BTD: variants seen among roughly 807,000 people sequenced by gnomAD.
The protein encoded by BTD is biocytinase.
BTD carries 13 observed loss-of-function variants against 17.7 expected under a neutral mutation model. The ratio of observed to expected loss-of-function variants is 0.74; its 90% CI spans 0.48 to 1.17. The LOEUF (loss-of-function observed/expected upper bound fraction) is 1.17. BTD is among the 50% of genes most tolerant of loss of function. BTD has a pLI of 0.00. For missense variants in BTD, 674 were observed against 650.4 expected, an observed-to-expected ratio of 1.04 and a Z score of -0.39; for synonymous variants, 240 against 245.2, an observed-to-expected ratio of 0.98 and a Z score of 0.20.
At position 15,601,856 on chromosome 3, in the gene BTD, G is replaced by A; in HGVS notation, c.-55G>A. The A allele has an allele frequency of 6.2e-7, 1 of 1,614,214 alleles. No homozygotes were observed. Among genetic ancestry groups the A allele is most frequent in the Non-Finnish European group, 8.5e-7 (1 of 1,180,050 alleles). ...TTCGGGGCTGTAAAGGGAGAATGGC[G>A]CATGCGCATATTCAGGGCGGAAGGC... On this transcript the variant is annotated 5_prime_UTR_variant, in exon 1 of 4. Coordinates refer to ENST00000643237, the MANE Select transcript of BTD (RefSeq NM_001370658.1).
rs1177289350 is a variant in BTD at position 15,647,429 on chromosome 3, T to G, written c.*1941T>G. 1 of 152,252 alleles carries G rather than the reference T, an allele frequency of 6.6e-6. No individual in the cohort carries two copies. The allele number at this position is 152,252 out of a possible 1,614,324, so 9.4% of individuals were successfully genotyped here. On this transcript the variant is annotated 3_prime_UTR_variant, in exon 4 of 4. Transcript: ENST00000643237. ...AAACATCTAATCAGCACCTGCAGGA[T>G]CCTCATTCTGCCCTTCTGGGCAGAG...
At chr3:15,683,311 T>C (rs897765213) in intron 3 of BTD, among the ~76,000 whole-genome samples, 7 of 152,160 alleles carry the variant, frequency 4.6e-5, no homozygotes, top group Non-Finnish European at 8.8e-5. Context: ...ATATTTTGGG[T>C]TTTCCTTATA....
chr3:15,621,621 T>G (rs2064953719), intron 1 of BTD, among the ~76,000 whole-genome samples: 1 of 152,032 alleles, frequency 6.6e-6, no homozygotes, highest in East Asian at 1.9e-4. Context: ...TCCTTTGAGA[T>G]GGAGTTTCGC....
intron 3 of BTD, chr3:15,690,004 T>A: frequency 6.3e-7 from 1 of 1,586,884 alleles, no homozygotes; most frequent in Non-Finnish European, 8.6e-7. Flanking sequence ...AAATCAAGCA[T>A]AATATCTGGC....
At chr3:15,602,376 T>C in intron 1 of BTD, 1 of 962,410 alleles carries the variant, frequency 1.0e-6, no homozygotes, top group Non-Finnish European at 1.2e-6. Context: ...CTAATATCTT[T>C]CCAAAATTAG....
At chr3:15,657,538 A>G (rs925132725), downstream of BTD, among the ~76,000 whole-genome samples, 10 of 152,372 alleles carry the variant, frequency 6.6e-5, no homozygotes, top group Admixed American at 2.0e-4. Flanking sequence ...CAGTTTGTAC[A>G]TGGGAAATTA....
In BTD at chr3:15,645,284, A is replaced by G; in HGVS notation, c.1368A>G (p.Thr456=). The G allele has an allele frequency of 6.2e-7, 1 of 1,614,200 alleles. No homozygotes were observed. The highest frequency in any genetic ancestry group is 8.5e-7 in the Non-Finnish European group (1 of 1,180,040). Residue 456 remains threonine, a synonymous_variant, in exon 4 of 4, where the codon ACA becomes ACG. Transcript: ENST00000643237. ...TCGACACCTGTGGACAGGAAATCAC[A>G]GAGGCCACGGGGATATTTGAGTTTC... The part of the protein sequence containing the change: ...LGFDTCGQEI[T]EATGIFEFHL...
At chr3:15,607,978 C>G (rs1328108117) in intron 1 of BTD, among the ~76,000 whole-genome samples, 1 of 152,238 alleles carries the variant, frequency 6.6e-6, no homozygotes, top group Non-Finnish European at 1.5e-5. Context: ...TACCAAAGCT[C>G]AGCAACAGGC....
intron 3 of BTD, among the ~76,000 whole-genome samples, chr3:15,691,403 G>A (rs915704914): frequency 5.9e-5 from 9 of 152,236 alleles, no homozygotes; most frequent in Non-Finnish European, 1.0e-4. Flanking sequence ...GATTACAGGC[G>A]TGAGCCACTG....
At chr3:15,713,654 ACTT>A (rs753678290), downstream of BTD, 2 of 1,555,268 alleles carry the variant, frequency 1.3e-6, no homozygotes, top group South Asian at 2.3e-5. Flanking sequence ...GCAATATAGG[ACTT>A]ACTGTCAGAC....
chr3:15,685,473 A>G, intron 3 of BTD: 1 of 1,605,996 alleles, frequency 6.2e-7, no homozygotes. Flanking sequence ...AAAGGTAGTC[A>G]AACATATTAT....
At chr3:15,613,810 G>C (rs17041367) in intron 1 of BTD, among the ~76,000 whole-genome samples, 3,226 of 152,042 alleles carry the variant, frequency 0.021, 211 homozygotes, top group Admixed American at 0.12. Flanking sequence ...AGGCCATTCT[G>C]GTTCACAGTT....
At chr3:15,679,554 G>C in intron 3 of BTD, 1 of 1,611,172 alleles carries the variant, frequency 6.2e-7, no homozygotes, top group Non-Finnish European at 8.5e-7. Flanking sequence ...TTCTACACAT[G>C]TCTCGTGACC....
chr3:15,629,038 T>C (rs1013417141), intron 1 of BTD, among the ~76,000 whole-genome samples: 5 of 152,134 alleles, frequency 3.3e-5, no homozygotes, highest in African/African-American at 1.2e-4. Context: ...TAGGGGAGAT[T>C]TTTCCTTCTA....
intron 3 of BTD, chr3:15,675,876 A>C (rs369385978): frequency 1.8e-5 from 29 of 1,568,912 alleles, no homozygotes; most frequent in Middle Eastern, 3.4e-4. Context: ...GGTTAAGGGA[A>C]GAGAATATAG....
intron 3 of BTD, among the ~76,000 whole-genome samples, chr3:15,666,098 T>C (rs938718446): frequency 3.3e-5 from 5 of 152,226 alleles, no homozygotes; most frequent in Non-Finnish European, 5.9e-5. Flanking sequence ...CCTCCCCCTT[T>C]ACTGCTGTAT....
At chr3:15,620,287 A>G (rs964737743) in intron 1 of BTD, among the ~76,000 whole-genome samples, 2 of 152,200 alleles carry the variant, frequency 1.3e-5, no homozygotes, top group Non-Finnish European at 2.9e-5. Context: ...TCAACTGCAC[A>G]AGACAGACAT....
chr3:15,675,518 T>C (rs1160571672), intron 3 of BTD, among the ~76,000 whole-genome samples: 2 of 152,140 alleles, frequency 1.3e-5, no homozygotes, highest in Non-Finnish European at 2.9e-5. Flanking sequence ...ACTGACATTA[T>C]GAAGTAGGCA....
intron 1 of BTD, chr3:15,606,564 A>T (rs1221362875): frequency 6.6e-6 from 1 of 152,212 alleles, no homozygotes; most frequent in Non-Finnish European, 1.5e-5. Flanking sequence ...TGAAAACTGA[A>T]CTCTGAATTG....
Sources: gnomAD v4.1 joint callset for allele counts (sites outside exome capture counted in the v4.1 genomes callset) on GRCh38, gnomAD v4.1.1 for gene constraint, MANE v1.5 for transcripts, NCBI Gene and HGNC (gene_info 2026-07-23, HGNC 2026-07-21) for gene names.